PEMT: variants seen among roughly 807,000 people sequenced by gnomAD.
PEMT encodes the protein phospholipid methyltransferase.
A neutral mutation model predicts 27.4 loss-of-function variants in PEMT; 23 were observed. The ratio of observed to expected loss-of-function variants is 0.84; its 90% CI spans 0.60 to 1.19. PEMT has a LOEUF of 1.19. Among genes scored for constraint, PEMT ranks in the 50% most tolerant of loss-of-function variants. The probability of loss-of-function intolerance (pLI) is 0.00; values close to 1 mark genes in which losing one functional copy is unlikely to be tolerated. For synonymous variants in PEMT, 137 were observed against 139.1 expected, an observed-to-expected ratio of 0.98 and a Z score of 0.11; for missense variants, 307 against 310.1, an observed-to-expected ratio of 0.99 and a Z score of 0.07.
At chr17:17,526,316 A>G (rs1907658176) in intron 2 of PEMT, among the ~76,000 whole-genome samples, 2 of 152,222 alleles carry the variant, frequency 1.3e-5, no homozygotes, top group Non-Finnish European at 2.9e-5. Flanking sequence ...GTCGAGACCC[A>G]GGGACACCAT....
chr17:17,563,592 C>T (rs562450951), intron 2 of PEMT, among the ~76,000 whole-genome samples: 19 of 152,338 alleles, frequency 1.2e-4, no homozygotes, highest in African/African-American at 3.6e-4. Flanking sequence ...ATAGCAACAT[C>T]GCCCATCCAC....
chr17:17,524,226 G>A (rs565955100), intron 2 of PEMT, among the ~76,000 whole-genome samples: 9 of 152,258 alleles, frequency 5.9e-5, no homozygotes, highest in African/African-American at 1.7e-4. Flanking sequence ...AGCAACATAC[G>A]GGCGCTTGCT....
At chr17:17,578,251 C>A (rs904177887) in intron 1 of PEMT, among the ~76,000 whole-genome samples, 7 of 151,314 alleles carry the variant, frequency 4.6e-5, no homozygotes, top group Admixed American at 6.6e-5. Flanking sequence ...CTCACTGCAA[C>A]CTTGAACTCC....
rs571797787 is a variant in PEMT at position 17,582,152 on chromosome 17, T to A, written c.97-5125A>T. The A allele has an allele frequency of 2.7e-5, 15 of 547,266 alleles. No homozygotes were observed. The African/African-American group carries it at 2.9e-4, about 10-fold the overall frequency. 33.9% of individuals were successfully genotyped at this position (547,266 alleles called of 1,614,324 possible). A position where few individuals can be genotyped will look rare whatever the true frequency, so the allele number is the denominator to read the frequency against. Reference sequence around the variant, plus strand: ...CCATCCACTCCCAGCCCCAACCTCCTTCATACAACAGAGGTCCCGGCTTTC... The same window carrying A: ...CCATCCACTCCCAGCCCCAACCTCCATCATACAACAGAGGTCCCGGCTTTC... On this transcript the variant is annotated intron_variant, in intron 1 of 6. Coordinates refer to ENST00000255389, the MANE Select transcript of PEMT (RefSeq NM_148172.3). The surrounding 1 kb of genome is among the most constrained non-coding windows in gnomAD (Gnocchi z 4.9).
intron 2 of PEMT, among the ~76,000 whole-genome samples, chr17:17,574,314 TC>T (rs1365437880): frequency 4.0e-5 from 5 of 126,342 alleles, no homozygotes; most frequent in Admixed American, 3.9e-4. Flanking sequence ...TCTTACTGCA[TC>T]TTTTTTTTTT....
chr17:17,591,593 T>C lies in PEMT; in HGVS notation c.34A>G (p.Thr12Ala), dbSNP rs776586054. Residue 12 changes from threonine (T) to alanine (A), a missense_variant, in exon 1 of 7, where the codon ACG (threonine) becomes GCG (alanine). Transcript: ENST00000255389. ...KRSGNPGAEV[T>A]NSSVAGPDCC... Reference sequence around the variant, plus strand: ...TCAGGCCCTGCCACCGAGCTGTTCGTTACCTCGGCTCCCGGGTTCCCAGAT... The same window carrying C: ...TCAGGCCCTGCCACCGAGCTGTTCGCTACCTCGGCTCCCGGGTTCCCAGAT... 1 of 1,613,482 alleles carries C rather than the reference T, an allele frequency of 6.2e-7. No homozygotes were observed. The highest frequency in any genetic ancestry group is 1.7e-5 in the Admixed American group (1 of 59,984).
intron 2 of PEMT, among the ~76,000 whole-genome samples, chr17:17,557,430 G>A (rs571419560): frequency 1.4e-4 from 21 of 152,316 alleles, no homozygotes; most frequent in South Asian, 4.1e-4. Context: ...GCTGGTGCAC[G>A]CAGAAAGTCT....
intron 2 of PEMT, among the ~76,000 whole-genome samples, chr17:17,535,153 A>G (rs905494638): frequency 2.4e-4 from 36 of 151,964 alleles, no homozygotes; most frequent in Admixed American, 5.9e-4. Context: ...CAGGTGATTC[A>G]CTAGCCTTGG....
intron 2 of PEMT, among the ~76,000 whole-genome samples, chr17:17,567,724 T>C (rs1910927357): frequency 6.6e-6 from 1 of 152,220 alleles, no homozygotes; most frequent in South Asian, 2.1e-4. Flanking sequence ...TAGGTGACAC[T>C]GGTCTGAAGA....
chr17:17,507,408 T>C (rs1905963606), intron 5 of PEMT: 2 of 600,826 alleles, frequency 3.3e-6, no homozygotes, highest in Non-Finnish European at 3.0e-6. Context: ...GGAGGACACC[T>C]GTGGACCCCG....
intron 4 of PEMT, among the ~76,000 whole-genome samples, chr17:17,510,196 G>A (rs1029652084): frequency 2.0e-5 from 3 of 152,142 alleles, no homozygotes; most frequent in African/African-American, 4.8e-5. Flanking sequence ...GCCTGTTCCA[G>A]ACAGGCCAGC....
chr17:17,591,348 C>T lies in PEMT; in HGVS notation c.96+183G>A, dbSNP rs368048359. On this transcript the variant is annotated intron_variant, in intron 1 of 6. Coordinates refer to ENST00000255389, the MANE Select transcript of PEMT (RefSeq NM_148172.3). Reference sequence around the variant, plus strand: ...TGAGGTTTACACGCGCGCGCACACGCACACACACAGACACCAGCCGGCGCT... The same window carrying T: ...TGAGGTTTACACGCGCGCGCACACGTACACACACAGACACCAGCCGGCGCT... The T allele has an allele frequency of 1.5e-5, 9 of 591,950 alleles. No homozygotes were observed. The South Asian group carries it at 1.6e-4, about 11-fold the overall frequency. 36.7% of individuals were successfully genotyped at this position (591,950 alleles called of 1,614,324 possible). A position where few individuals can be genotyped will look rare whatever the true frequency, so the allele number is the denominator to read the frequency against.
chr17:17,545,610 C>T (rs373361157), intron 2 of PEMT, among the ~76,000 whole-genome samples: 34 of 152,334 alleles, frequency 2.2e-4, no homozygotes, highest in African/African-American at 4.8e-4. Flanking sequence ...GCTCTTTCTG[C>T]GGGGCCGGGT....
chr17:17,563,487 G>T (rs2142702392), intron 2 of PEMT, among the ~76,000 whole-genome samples: 1 of 152,336 alleles, frequency 6.6e-6, no homozygotes, highest in African/African-American at 2.4e-5. Flanking sequence ...AAGAAGCACA[G>T]GGTGCCCCTT....
At position 17,588,881 on chromosome 17, in the gene PEMT, GCAAAAGGGCCTTAGT is replaced by G. The variant is rs1912457277; in HGVS notation, c.96+2635_96+2649del. On this transcript the variant is annotated intron_variant, in intron 1 of 6. Coordinates refer to ENST00000255389, the MANE Select transcript of PEMT (RefSeq NM_148172.3). ...ATCCTGACAGGGAGGGCAACAAGGAGCAAAAGGGCCTTAGTCAGTGGGGCTGCAGCGGGCACACTC... is the reference window on the plus strand; with the variant it reads ...ATCCTGACAGGGAGGGCAACAAGGAGCAGTGGGGCTGCAGCGGGCACACTC... Among the ~76,000 whole-genome samples the G allele has an allele frequency of 2.0e-5, 3 of 152,238 alleles. No individual in the cohort carries two copies. The South Asian group carries it at 6.2e-4, about 31-fold the overall frequency.
chr17:17,537,493 C>T (rs1391013763), intron 2 of PEMT, among the ~76,000 whole-genome samples: 1 of 152,242 alleles, frequency 6.6e-6, no homozygotes, highest in African/African-American at 2.4e-5. Flanking sequence ...CCTGAGCCAT[C>T]CCCGTGCCCA....
chr17:17,581,142 G>A (rs1335071685), intron 1 of PEMT, among the ~76,000 whole-genome samples: 1 of 152,158 alleles, frequency 6.6e-6, no homozygotes, highest in African/African-American at 2.4e-5. Flanking sequence ...TAAGAGAGGT[G>A]CATCTTCCTG....
intron 3 of PEMT, among the ~76,000 whole-genome samples, chr17:17,521,406 G>A (rs1907252254): frequency 6.6e-6 from 1 of 152,188 alleles, no homozygotes; most frequent in Non-Finnish European, 1.5e-5. Context: ...CCACGCAGGT[G>A]GGCCTTGTCT....
intron 2 of PEMT, among the ~76,000 whole-genome samples, chr17:17,546,925 G>A (rs576280422): frequency 1.3e-5 from 2 of 152,330 alleles, no homozygotes; most frequent in Non-Finnish European, 2.9e-5. Context: ...AGAGGTGGCC[G>A]TGGCTGGACC....
Sources: allele counts gnomAD v4.1 joint callset (sites outside exome capture counted in the v4.1 genomes callset), GRCh38; gene constraint gnomAD v4.1.1; non-coding constraint Gnocchi (gnomAD v3.1); transcripts MANE v1.5; gene names NCBI Gene and HGNC (gene_info 2026-07-23, HGNC 2026-07-21).